RCBTB2: variants seen among roughly 807,000 people sequenced by gnomAD.
RCBTB2 encodes RCC1 and BTB domain containing protein 2, also known as RCC1 and BTB domain-containing protein 2.
Under a neutral mutation model 65.4 loss-of-function variants are expected in RCBTB2, and 55 were observed. The ratio of observed to expected loss-of-function variants is 0.84; its 90% CI spans 0.68 to 1.05. The LOEUF (loss-of-function observed/expected upper bound fraction) is 1.05. Among genes scored for constraint, RCBTB2 ranks in the 50% least tolerant of loss-of-function variants. The probability of loss-of-function intolerance (pLI) is 0.00; values close to 1 mark genes in which losing one functional copy is unlikely to be tolerated. For missense variants in RCBTB2, 599 were observed against 680.1 expected (o/e 0.88, Z 1.33); for synonymous variants, 220 against 255.2 (o/e 0.86, Z 1.31).
intron 10 of RCBTB2, among the ~76,000 whole-genome samples, chr13:48,506,142 T>C (rs1593666109): frequency 6.6e-6 from 1 of 151,780 alleles, no homozygotes; most frequent in Non-Finnish European, 1.5e-5. Flanking sequence ...GTCTGTGAGG[T>C]GGAGAGCAAT....
intron 10 of RCBTB2, among the ~76,000 whole-genome samples, chr13:48,510,273 C>A (rs150038571): frequency 3.5e-4 from 53 of 152,176 alleles, no homozygotes; most frequent in African/African-American, 1.2e-3. Flanking sequence ...GGAAGAGCGA[C>A]CTTGAATGTT....
At position 48,515,313 on chromosome 13, in the gene RCBTB2, C is replaced by T; in HGVS notation, c.241G>A (p.Gly81Ser). The T allele has an allele frequency of 6.2e-7, 1 of 1,614,144 alleles. No individual in the cohort carries two copies. Among genetic ancestry groups the T allele is most frequent in the Non-Finnish European group, 8.5e-7 (1 of 1,180,016 alleles). ...GTNCCGCLGL[G>S]DVQSTIEPRR... ...GGTTCAATGGTGCTCTGGACGTCAC[C>T]TAACCCCAAACAGCCACAGCAGTTT... The change falls in exon 6 of 15, where the codon GGT becomes AGT. Residue 81 changes from glycine to serine, a missense_variant. Coordinates refer to ENST00000344532, the MANE Select transcript of RCBTB2 (RefSeq NM_001268.4).
At chr13:48,504,615 G>A (rs958153864) in intron 10 of RCBTB2, among the ~76,000 whole-genome samples, 1 of 152,326 alleles carries the variant, frequency 6.6e-6, no homozygotes, top group African/African-American at 2.4e-5. Flanking sequence ...CCTGTTCAGC[G>A]AGATGACCAG....
At chr13:48,499,853 T>A in intron 12 of RCBTB2, 93 bp from the exon 13 acceptor site, 1 of 1,422,016 alleles carries the variant, frequency 7.0e-7, no homozygotes, top group Admixed American at 1.9e-5. Flanking sequence ...AGGTGCACGC[T>A]GGCACGTCCC....
At chr13:48,525,860 T>A (rs1030917862) in intron 1 of RCBTB2, among the ~76,000 whole-genome samples, 1 of 152,216 alleles carries the variant, frequency 6.6e-6, no homozygotes, top group Non-Finnish European at 1.5e-5. Flanking sequence ...ATTTGATATT[T>A]GATAACATTT....
intron 7 of RCBTB2, 81 bp downstream of exon 7, chr13:48,512,648 G>T: frequency 1.7e-6 from 2 of 1,152,760 alleles, no homozygotes; most frequent in South Asian, 1.6e-5. Flanking sequence ...TTAATCAAAT[G>T]ATTGTATTTC....
chr13:48,517,545 CAA>C (rs1951161161), intron 4 of RCBTB2, among the ~76,000 whole-genome samples: 1 of 152,096 alleles, frequency 6.6e-6, no homozygotes, highest in South Asian at 2.1e-4. Context: ...AACTTGTATC[CAA>C]AGTAAAGTTT....
chr13:48,518,245 C>A (rs991247056), intron 4 of RCBTB2, among the ~76,000 whole-genome samples: 1 of 152,052 alleles, frequency 6.6e-6, no homozygotes, highest in Non-Finnish European at 1.5e-5. Context: ...ATCAGCATCA[C>A]CCTGTGAGTT....
At chr13:48,510,801 C>T (rs372942386) in intron 9 of RCBTB2, 30 bp from the exon 10 acceptor site, 2 of 1,576,648 alleles carry the variant, frequency 1.3e-6, no homozygotes, top group Non-Finnish European at 8.7e-7. Flanking sequence ...CTCAGGACTG[C>T]AAATATAAGT....
chr13:48,514,716 T>C (rs1230783252), intron 6 of RCBTB2, among the ~76,000 whole-genome samples: 1 of 152,202 alleles, frequency 6.6e-6, no homozygotes, highest in Non-Finnish European at 1.5e-5. Context: ...TTACAACCTT[T>C]TGGGGAGAAG....
At chr13:48,501,166 G>A (rs575328527) in intron 12 of RCBTB2, among the ~76,000 whole-genome samples, 34 of 152,296 alleles carry the variant, frequency 2.2e-4, no homozygotes, top group African/African-American at 8.2e-4. Flanking sequence ...TCTCTGTCTG[G>A]ATGTGGGGCA....
At chr13:48,526,497 C>A (rs888915246) in intron 1 of RCBTB2, among the ~76,000 whole-genome samples, 1 of 152,142 alleles carries the variant, frequency 6.6e-6, no homozygotes, top group Non-Finnish European at 1.5e-5. Context: ...GATCACACCA[C>A]TGCACTCAGC....
intron 14 of RCBTB2, among the ~76,000 whole-genome samples, chr13:48,490,640 G>A (rs369357506): frequency 3.8e-4 from 58 of 152,082 alleles, no homozygotes; most frequent in Non-Finnish European, 6.8e-4. Context: ...TTATATCAGC[G>A]TCTTTAAGTA....
At chr13:48,533,716 C>T (rs946230660), upstream of RCBTB2, among the ~76,000 whole-genome samples, 3 of 152,232 alleles carry the variant, frequency 2.0e-5, no homozygotes, top group African/African-American at 7.2e-5. Context: ...TTATATTACA[C>T]TGCACTTCTG....
intron 14 of RCBTB2, among the ~76,000 whole-genome samples, chr13:48,493,342 T>TCTC (rs1949825130): frequency 1.3e-4 from 3 of 22,272 alleles, no homozygotes; most frequent in East Asian, 2.3e-3. Context: ...CTCTCTCTCT[T>TCTC]CTCTTCTCTC....
Position 48,499,730 on chromosome 13 carries a change from A to G in RCBTB2, c.1275T>C (p.Asp425=). 6.2e-7 allele frequency: 1 copy of G among 1,614,260 alleles called. No individual in the cohort carries two copies. The highest frequency in any genetic ancestry group is 8.5e-7 in the Non-Finnish European group (1 of 1,180,040). The change falls in exon 13 of 15, where the codon GAT becomes GAC. Residue 425 remains aspartate, a synonymous_variant. Coordinates refer to ENST00000344532, the MANE Select transcript of RCBTB2 (RefSeq NM_001268.4). The stretch of plus-strand genomic sequence containing the variant: ...TCATTTCTACAATATCATCCTCGTT[A>G]TCTTCCAATGACGAACGAAAATGCT... ...RCEHFRSSLE[D]NEDDIVEMSE...
intron 4 of RCBTB2, among the ~76,000 whole-genome samples, chr13:48,518,458 CAAAAAA>C (rs58455074): frequency 2.0e-5 from 2 of 98,428 alleles, no homozygotes; most frequent in African/African-American, 7.6e-5. Context: ...GAGTACTTTG[CAAAAAA>C]AAAAAAAAAT....
intron 12 of RCBTB2, among the ~76,000 whole-genome samples, 154 bp downstream of exon 12, chr13:48,501,583 GTTTCA>G (rs1294431388): frequency 6.6e-6 from 1 of 152,116 alleles, no homozygotes; most frequent in Non-Finnish European, 1.5e-5. Flanking sequence ...GTTATTTCTT[GTTTCA>G]TGTATATTTC....
At chr13:48,493,694 C>T (rs1949848960) in intron 14 of RCBTB2, among the ~76,000 whole-genome samples, 1 of 152,068 alleles carries the variant, frequency 6.6e-6, no homozygotes, top group African/African-American at 2.4e-5. Flanking sequence ...GATGTCTTGC[C>T]TCCCTGACCA....
Sources: allele counts gnomAD v4.1 joint callset (sites outside exome capture counted in the v4.1 genomes callset), GRCh38; gene constraint gnomAD v4.1.1; transcripts MANE v1.5; gene names NCBI Gene and HGNC (gene_info 2026-07-23, HGNC 2026-07-21).